NALF1: variants seen among roughly 807,000 people sequenced by gnomAD.
NALF1 encodes the protein family with sequence similarity 155 member A.
In NALF1, 3 loss-of-function variants were observed where a neutral mutation model predicts 48.4. The ratio of observed to expected loss-of-function variants is 0.06; its 90% confidence interval spans 0.03 to 0.16. The LOEUF is 0.16. NALF1 is among the 10% of genes least tolerant of loss of function. The pLI is 1.00. For missense variants in NALF1, 526 were observed against 571.5 expected (o/e 0.92, Z 0.81); for synonymous variants, 262 against 245.7 (o/e 1.07, Z -0.62).
intron 1 of NALF1, among the ~76,000 whole-genome samples, chr13:107,688,965 G>A (rs1164683708): frequency 6.6e-6 from 1 of 152,192 alleles, no homozygotes; most frequent in African/African-American, 2.4e-5. Context: ...AAGCAGGAGG[G>A]CACATTTTAA....
intron 1 of NALF1, among the ~76,000 whole-genome samples, chr13:107,822,927 A>G (rs1228869439): frequency 2.0e-5 from 3 of 152,192 alleles, no homozygotes; most frequent in Non-Finnish European, 4.4e-5. Context: ...TTTTCTGAGA[A>G]AGTCTGCTCT....
At chr13:107,273,780 G>A (rs2138866308) in intron 1 of NALF1, among the ~76,000 whole-genome samples, 1 of 152,230 alleles carries the variant, frequency 6.6e-6, no homozygotes, top group Admixed American at 6.5e-5. Flanking sequence ...AACAGAACAG[G>A]GTTGGCCTTT....
intron 1 of NALF1, among the ~76,000 whole-genome samples, chr13:107,484,685 G>A (rs1053198674): frequency 6.6e-6 from 1 of 152,140 alleles, no homozygotes; most frequent in Non-Finnish European, 1.5e-5. Context: ...GCAAAGCAGA[G>A]AAAGATAAGG....
At chr13:107,435,638 T>C (rs1436286813) in intron 1 of NALF1, among the ~76,000 whole-genome samples, 1 of 152,204 alleles carries the variant, frequency 6.6e-6, no homozygotes, top group Non-Finnish European at 1.5e-5. Flanking sequence ...TTTTACTTCA[T>C]TCAAACAGGC....
At chr13:107,202,460 T>A (rs1295531884) in intron 2 of NALF1, among the ~76,000 whole-genome samples, 1 of 151,402 alleles carries the variant, frequency 6.6e-6, no homozygotes, top group East Asian at 1.9e-4. Flanking sequence ...CATAATAATA[T>A]TCACACAGAC....
intron 1 of NALF1, among the ~76,000 whole-genome samples, chr13:107,708,898 T>C (rs1318693151): frequency 6.6e-6 from 1 of 152,184 alleles, no homozygotes; most frequent in Non-Finnish European, 1.5e-5. Flanking sequence ...TTCATTTTAG[T>C]TTTCTATTTC....
intron 1 of NALF1, among the ~76,000 whole-genome samples, chr13:107,641,721 T>C (rs1880162042): frequency 6.6e-6 from 1 of 152,130 alleles, no homozygotes; most frequent in Non-Finnish European, 1.5e-5. Flanking sequence ...TTTGACAGGT[T>C]CCTGGATGGC....
chr13:107,382,283 G>C (rs1289212171), intron 1 of NALF1, among the ~76,000 whole-genome samples: 2 of 152,116 alleles, frequency 1.3e-5, no homozygotes, highest in Non-Finnish European at 2.9e-5. Flanking sequence ...ATAAATTATG[G>C]CTTAAAAGCA....
chr13:107,752,959 T>C (rs1330916538), intron 1 of NALF1, among the ~76,000 whole-genome samples: 2 of 152,224 alleles, frequency 1.3e-5, no homozygotes, highest in African/African-American at 4.8e-5. Flanking sequence ...AAATTCCAAG[T>C]AGACTTGTGT....
rs551593101 is a variant in NALF1 at position 107,315,310 on chromosome 13, G to A, written c.916-104555C>T. On this transcript the variant is annotated intron_variant, in intron 1 of 2. Coordinates refer to ENST00000375915, the MANE Select transcript of NALF1 (RefSeq NM_001080396.3). Reference sequence around the variant, plus strand: ...CTTATCCCTCTGAGCCAGACCCTCCGCACTAAATATTACCTTCTAATACTC... The same window carrying A: ...CTTATCCCTCTGAGCCAGACCCTCCACACTAAATATTACCTTCTAATACTC... 2.4e-4 allele frequency among the ~76,000 whole-genome samples: 36 copies of A among 152,012 alleles called. No homozygotes were observed. In the South Asian group the frequency reaches 6.9e-3, roughly 29 times the overall value.
At chr13:107,761,970 G>A (rs148008981) in intron 1 of NALF1, among the ~76,000 whole-genome samples, 1 of 152,198 alleles carries the variant, frequency 6.6e-6, no homozygotes, top group Admixed American at 6.5e-5. Context: ...AAATGTCAGT[G>A]ATGGCTGCTA....
chr13:107,417,423 C>T (rs58404402), intron 1 of NALF1, among the ~76,000 whole-genome samples: 7,646 of 152,230 alleles, frequency 0.05, 600 homozygotes, highest in African/African-American at 0.18. Flanking sequence ...TCTAACAACC[C>T]CAAATTTGTC....
At chr13:107,189,393 A>G (rs1386795684) in intron 2 of NALF1, among the ~76,000 whole-genome samples, 1 of 152,234 alleles carries the variant, frequency 6.6e-6, no homozygotes, top group Non-Finnish European at 1.5e-5. Flanking sequence ...ATGGACAAAG[A>G]AATGTACACT....
chr13:107,482,007 T>A (rs1056070449), intron 1 of NALF1, among the ~76,000 whole-genome samples: 3 of 152,266 alleles, frequency 2.0e-5, no homozygotes, highest in Middle Eastern at 3.4e-3. Flanking sequence ...TCAACTTGGC[T>A]AAGCCATGGT....
At chr13:107,307,634 T>A (rs1367929990) in intron 1 of NALF1, among the ~76,000 whole-genome samples, 6 of 84,870 alleles carry the variant, frequency 7.1e-5, no homozygotes, top group African/African-American at 1.9e-4. Context: ...TCCTTTTTTA[T>A]TAAAAAAAAA....
rs147608610 is a variant in NALF1 at position 107,372,690 on chromosome 13, T to G, written c.916-161935A>C. On this transcript the variant is annotated intron_variant, in intron 1 of 2. Transcript: ENST00000375915. ...CAATTAGATAAGATAATAGAAAACA[T>G]TTGGTGATAGATCAATGCTTTAAAA... Among the ~76,000 whole-genome samples, 251 of 152,278 alleles carry G rather than the reference T, an allele frequency of 1.6e-3. 2 individuals carry two copies. The highest frequency in any genetic ancestry group is 5.7e-3 in the African/African-American group (237 of 41,560).
At chr13:107,432,082 G>A (rs1293088141) in intron 1 of NALF1, among the ~76,000 whole-genome samples, 1 of 152,156 alleles carries the variant, frequency 6.6e-6, no homozygotes, top group Admixed American at 6.6e-5. Flanking sequence ...CAGGAAATGT[G>A]GAGGTGTCAT....
At chr13:107,339,635 T>C (rs8181838) in intron 1 of NALF1, among the ~76,000 whole-genome samples, 125,127 of 152,172 alleles carry the variant, frequency 0.82, 52,811 homozygotes, top group Non-Finnish European at 0.92. Flanking sequence ...CAGCGTCCCA[T>C]ATGCACATTT....
chr13:107,401,758 C>T (rs147832543), intron 1 of NALF1, among the ~76,000 whole-genome samples: 2,112 of 151,666 alleles, frequency 0.014, 24 homozygotes, highest in South Asian at 0.034. Context: ...CGAAATGGCA[C>T]GTGGTTGCAC....
Sources: gnomAD v4.1 joint callset for allele counts (sites outside exome capture counted in the v4.1 genomes callset) on GRCh38, gnomAD v4.1.1 for gene constraint, MANE v1.5 for transcripts, NCBI Gene and HGNC (gene_info 2026-07-23, HGNC 2026-07-21) for gene names.